Variants in SVEP1 observed in about 807,000 individuals in gnomAD.
The protein encoded by SVEP1 is sushi, von Willebrand factor type A, EGF and pentraxin domain-containing protein 1.
A neutral mutation model predicts 367.3 loss-of-function variants in SVEP1; 164 were observed. The observed-to-expected ratio is 0.45, with a 90% CI of 0.39 to 0.51. The LOEUF (loss-of-function observed/expected upper bound fraction) is 0.51, where lower values mean the gene tolerates loss of function less well. SVEP1 is among the 20% of genes least tolerant of loss of function. SVEP1 has a pLI of 0.00. For missense variants in SVEP1, 4,117 were observed against 4,425.3 expected (o/e 0.93, Z 1.98); for synonymous variants, 1,666 against 1,611.6 (o/e 1.03, Z -0.81).
In SVEP1 at chr9:110,408,808, A is replaced by G. The variant is rs767078643; in HGVS notation, c.6792T>C (p.Cys2264=). 2 of 1,613,058 alleles carry G rather than the reference A, an allele frequency of 1.2e-6. No homozygotes were observed. Among genetic ancestry groups the G allele is most frequent in the Non-Finnish European group, 1.7e-6 (2 of 1,179,888 alleles). Residue 2264 remains cysteine, a synonymous_variant, in exon 38 of 48, where the codon TGT becomes TGC. Coordinates refer to ENST00000374469, the MANE Select transcript of SVEP1 (RefSeq NM_153366.4). ...CATTCTGGATCGGGGGAGGTTTTCC[A>G]CAGTCGAGAGGAACACACATCAGAG... is the stretch of plus-strand genomic sequence containing the variant. ...ESPLMCVPLD[C]GKPPPIQNGF...
chr9:110,400,958 A>G lies in SVEP1; in HGVS notation c.9718T>C (p.Ser3240Pro), dbSNP rs200910564. Residue 3240 changes from serine (S) to proline (P), a missense_variant, in exon 40 of 48, where the codon TCT becomes CCT. Transcript: ENST00000374469. Reference sequence around the variant, plus strand: ...TCTGGACTTTCAGGTTTCCCACAAGAAACTGGACTGCAAGATTCATCGGAG... The same window carrying G: ...TCTGGACTTTCAGGTTTCCCACAAGGAACTGGACTGCAAGATTCATCGGAG... ...PFSDESCSPV[S>P]CGKPESPEHG... 3 of 1,613,942 alleles carry G rather than the reference A, an allele frequency of 1.9e-6. No homozygotes were observed. In the Admixed American group the frequency reaches 5.0e-5, roughly 27 times the overall value.
rs1246212841 is a variant in SVEP1, at chr9:110,546,187, T to C, written c.892A>G (p.Thr298Ala). 1.7e-5 allele frequency: 26 copies of C among 1,564,484 alleles called. No homozygotes were observed. The highest frequency in any genetic ancestry group is 5.9e-5 in the South Asian group (5 of 84,708). ...ATGCACTCAAAATGGCCTGTGTGTG[T>C]CCCACATTTGCAGCTTCCCATTCGG... is the stretch of plus-strand genomic sequence containing the variant. ...CDRMGSCKCG[T>A]HTGHFECICE... Residue 298 changes from threonine to alanine, a missense_variant, in exon 3 of 48, where the codon ACA (threonine) becomes GCA (alanine). By Grantham distance (58) the Thr-to-Ala change is moderately conservative (BLOSUM62 0). This residue lies in a region of SVEP1 where 2,174 missense variants were observed against 2,494.3 expected (regional missense o/e 0.87). Coordinates refer to ENST00000374469, the MANE Select transcript of SVEP1 (RefSeq NM_153366.4).
At position 110,451,341 on chromosome 9, in the gene SVEP1, G is replaced by A; in HGVS notation, c.3849C>T (p.Ile1283=). Reference sequence around the variant, plus strand: ...GATAGCCAGCCACACCATCAACACAGATTCCTTTATTTAAACAAGGACTGG... The same window carrying A: ...GATAGCCAGCCACACCATCAACACAAATTCCTTTATTTAAACAAGGACTGG... The part of the protein sequence containing the change: ...CSSSPCLNKG[I]CVDGVAGYRC... Residue 1283 remains isoleucine, a synonymous_variant, in exon 23 of 48, where the codon ATC becomes ATT. Coordinates refer to ENST00000374469, the MANE Select transcript of SVEP1 (RefSeq NM_153366.4). 6.2e-7 allele frequency: 1 copy of A among 1,613,740 alleles called. No homozygotes were observed. Among genetic ancestry groups the A allele is most frequent in the Non-Finnish European group, 8.5e-7 (1 of 1,179,760 alleles).
intron 3 of SVEP1, among the ~76,000 whole-genome samples, chr9:110,515,189 C>G (rs1829783695): frequency 6.6e-6 from 1 of 151,892 alleles, no homozygotes; most frequent in Non-Finnish European, 1.5e-5. Context: ...ATTGTGGAAT[C>G]AAGAGACTTG....
At chr9:110,572,216 G>A (rs1259412053) in intron 1 of SVEP1, among the ~76,000 whole-genome samples, 2 of 152,204 alleles carry the variant, frequency 1.3e-5, no homozygotes, top group East Asian at 3.9e-4. Context: ...TATGGTCATT[G>A]TTAAGAGAAA....
At chr9:110,480,889 T>C (rs1254540630) in intron 12 of SVEP1, among the ~76,000 whole-genome samples, 1 of 152,084 alleles carries the variant, frequency 6.6e-6, no homozygotes, top group Non-Finnish European at 1.5e-5. Flanking sequence ...TCCAAAATGC[T>C]GGGATTACGG....
At chr9:110,403,870 A>G (rs1178829634) in intron 39 of SVEP1, among the ~76,000 whole-genome samples, 1 of 112,984 alleles carries the variant, frequency 8.9e-6, no homozygotes, top group Non-Finnish European at 2.0e-5. Flanking sequence ...TTTTTTTTTT[A>G]CAAATAAGGA....
intron 6 of SVEP1, 62 bp from the exon 7 acceptor site, chr9:110,499,300 T>G: frequency 2.0e-6 from 3 of 1,467,720 alleles, no homozygotes; most frequent in Non-Finnish European, 1.9e-6. Context: ...TGCCATGGAT[T>G]CTTTTTACTC....
chr9:110,493,623 T>C (rs1829402639), intron 8 of SVEP1, among the ~76,000 whole-genome samples: 1 of 151,924 alleles, frequency 6.6e-6, no homozygotes, highest in Non-Finnish European at 1.5e-5. Flanking sequence ...TCCCAGCTAC[T>C]TGGGAGGCTG....
At chr9:110,395,135 C>G (rs1266080563) in intron 40 of SVEP1, among the ~76,000 whole-genome samples, 3 of 152,222 alleles carry the variant, frequency 2.0e-5, no homozygotes, top group African/African-American at 4.8e-5. Context: ...GGAAGCCCAG[C>G]AGACTAACAG....
rs574174372 is a variant in SVEP1 at position 110,493,278 on chromosome 9, A to AT, written c.1801-3500dup. On this transcript the variant is annotated intron_variant, in intron 8 of 47. Coordinates refer to ENST00000374469, the MANE Select transcript of SVEP1 (RefSeq NM_153366.4). ...GCACATGGACTACACAAGAGAGATA[A>AT]TTTTTTTTTTGCTTCTCAGAGTGCA... Among the ~76,000 whole-genome samples the AT allele has an allele frequency of 1.5e-3, 226 of 150,074 alleles. 5 individuals carry two copies. In the South Asian group the frequency reaches 0.036, roughly 24 times the overall value.
chr9:110,452,568 C>T (rs1828709129), intron 22 of SVEP1, among the ~76,000 whole-genome samples: 2 of 152,220 alleles, frequency 1.3e-5, no homozygotes, highest in Non-Finnish European at 2.9e-5. Context: ...GTTGAATACA[C>T]ACCCTTGGTT....
In SVEP1 at chr9:110,392,136, TA is replaced by T. The variant is rs1588028822; in HGVS notation, c.9823-2550del. Among the ~76,000 whole-genome samples, 29 of 145,430 alleles carry T rather than the reference TA, an allele frequency of 2.0e-4. 1 individual carries two copies. The highest frequency in any genetic ancestry group is 4.2e-4 in the Admixed American group (6 of 14,424). On this transcript the variant is annotated intron_variant, in intron 40 of 47. Transcript: ENST00000374469. The stretch of plus-strand genomic sequence containing the variant: ...TAACTTGTGACCCAATTCCTCATTA[TA>T]TATATATATATATATATCTCTTCTC...
At position 110,408,448 on chromosome 9, in the gene SVEP1, A is replaced by G; in HGVS notation, c.7152T>C (p.Pro2384=). 6.2e-7 allele frequency: 1 copy of G among 1,613,972 alleles called. No individual in the cohort carries two copies. Among genetic ancestry groups the G allele is most frequent in the Non-Finnish European group, 8.5e-7 (1 of 1,179,870 alleles). The change falls in exon 38 of 48, where the codon CCT becomes CCC. Residue 2384 remains proline, a synonymous_variant. Transcript: ENST00000374469. ...PVCKIVLCTP[P]PLISFGVPIP... is the part of the protein sequence containing the mutation. Reference sequence around the variant, plus strand: ...TGGGGACACCAAAGGAAATTAGGGGAGGTGGGGTACAAAGAACAATCTTAC... The same window carrying G: ...TGGGGACACCAAAGGAAATTAGGGGGGGTGGGGTACAAAGAACAATCTTAC...
At chr9:110,475,139 TA>T (rs1350496839) in intron 14 of SVEP1, among the ~76,000 whole-genome samples, 2 of 152,202 alleles carry the variant, frequency 1.3e-5, no homozygotes, top group African/African-American at 4.8e-5. Flanking sequence ...AATTGTATAA[TA>T]AACATATGCA....
At chr9:110,477,665 G>A (rs990017303) in intron 13 of SVEP1, among the ~76,000 whole-genome samples, 1 of 151,958 alleles carries the variant, frequency 6.6e-6, no homozygotes, top group African/African-American at 2.4e-5. Context: ...CCCAGTACCT[G>A]GACCTATGCC....
chr9:110,465,041 C>T (rs952122149), intron 18 of SVEP1, among the ~76,000 whole-genome samples: 1 of 152,052 alleles, frequency 6.6e-6, no homozygotes, highest in African/African-American at 2.4e-5. Flanking sequence ...AATTGGAACT[C>T]TAATCTTTTT....
intron 6 of SVEP1, 104 bp from the exon 7 acceptor site, chr9:110,499,342 T>A: frequency 9.6e-7 from 1 of 1,045,628 alleles, no homozygotes; most frequent in Non-Finnish European, 1.4e-6. Context: ...CCTTAGGATT[T>A]ACGTAAATTG....
chr9:110,480,791 C>T (rs1401382432), intron 12 of SVEP1, among the ~76,000 whole-genome samples: 1 of 150,740 alleles, frequency 6.6e-6, no homozygotes, highest in Non-Finnish European at 1.5e-5. Context: ...ACCACCAGGC[C>T]CAACTAATTT....
Sources: gnomAD v4.1 joint callset for allele counts (sites outside exome capture counted in the v4.1 genomes callset) on GRCh38, gnomAD v4.1.1 for gene constraint, gnomAD v4.1.1 regional missense constraint, MANE v1.5 for transcripts, NCBI Gene and HGNC (gene_info 2026-07-23, HGNC 2026-07-21) for gene names.